PTK2B: variants seen among roughly 807,000 people sequenced by gnomAD.
The protein encoded by PTK2B is protein tyrosine kinase 2 beta.
A neutral mutation model predicts 142.9 loss-of-function variants in PTK2B; 71 were observed. That is an observed-to-expected ratio of 0.50 (90% CI 0.41 to 0.61). PTK2B has a LOEUF of 0.61. Among genes scored for constraint, PTK2B ranks in the 20% least tolerant of loss-of-function variants. PTK2B has a pLI of 0.00. For missense variants in PTK2B, 1,105 were observed against 1,320.4 expected, an observed-to-expected ratio of 0.84 and a Z score of 2.53; for synonymous variants, 519 against 503.4, an observed-to-expected ratio of 1.03 and a Z score of -0.42.
At chr8:27,394,357 A>T (rs1004137545) in intron 1 of PTK2B, among the ~76,000 whole-genome samples, 1 of 152,214 alleles carries the variant, frequency 6.6e-6, no homozygotes, top group Non-Finnish European at 1.5e-5. Context: ...CTACAACCCT[A>T]TACAGCAAGT....
At chr8:27,434,932 G>A (rs1306344079) in intron 13 of PTK2B, among the ~76,000 whole-genome samples, 12 of 152,048 alleles carry the variant, frequency 7.9e-5, no homozygotes, top group Admixed American at 1.3e-4. Flanking sequence ...CCTGGAAGGC[G>A]GAGGTTGCAG....
At chr8:27,375,366 C>T (rs766979114) in intron 1 of PTK2B, among the ~76,000 whole-genome samples, 4 of 152,184 alleles carry the variant, frequency 2.6e-5, no homozygotes, top group Non-Finnish European at 5.9e-5. Flanking sequence ...CTCAGCTTTG[C>T]CCTGAACCAA....
At chr8:27,430,299 T>C in intron 6 of PTK2B, 65 bp from the exon 7 acceptor site, 1 of 1,606,212 alleles carries the variant, frequency 6.2e-7, no homozygotes, top group Non-Finnish European at 8.5e-7. Context: ...TCTTCCTGAT[T>C]GGCCCGCAGT....
At chr8:27,392,307 G>A (rs1402912693) in intron 1 of PTK2B, among the ~76,000 whole-genome samples, 2 of 149,216 alleles carry the variant, frequency 1.3e-5, no homozygotes, top group African/African-American at 4.9e-5. Context: ...TCTACAAAGC[G>A]AGCTTTTTTT....
intron 21 of PTK2B, among the ~76,000 whole-genome samples, chr8:27,442,403 T>C (rs988609178): frequency 1.4e-4 from 21 of 152,150 alleles, no homozygotes; most frequent in African/African-American, 5.1e-4. Flanking sequence ...ATGGCTAGCC[T>C]GGGAGTGAAC....
At chr8:27,435,677 C>T (rs918719830) in intron 13 of PTK2B, 66 bp from the exon 14 acceptor site, 28 of 1,581,830 alleles carry the variant, frequency 1.8e-5, no homozygotes, top group Non-Finnish European at 2.3e-5. Flanking sequence ...GAGCCCCACA[C>T]CTGATTCCTG....
In PTK2B at chr8:27,451,071, C is replaced by T; in HGVS notation, c.2516C>T (p.Ser839Phe). 1.2e-6 allele frequency: 2 copies of T among 1,612,452 alleles called. No individual in the cohort carries two copies. The highest frequency in any genetic ancestry group is 1.7e-6 in the Non-Finnish European group (2 of 1,178,472). The change falls in exon 26 of 31, where the codon TCC becomes TTC. Residue 839 changes from serine to phenylalanine, a missense_variant. By Grantham distance (155) the Ser-to-Phe change is radical (BLOSUM62 -2). Coordinates refer to ENST00000346049, the MANE Select transcript of PTK2B (RefSeq NM_173176.3). ...CCCATGGTTTATATGAATGATAAGT[C>T]CCCATTGGTGAGTTGCCAGGAGAGG... ...LDPMVYMNDK[S>F]PLTPEKEVGY... is the part of the protein sequence containing the mutation.
At chr8:27,438,193 C>G (rs559726460) in intron 18 of PTK2B, among the ~76,000 whole-genome samples, 1 of 152,210 alleles carries the variant, frequency 6.6e-6, no homozygotes, top group Non-Finnish European at 1.5e-5. Context: ...TCAGAGCTTG[C>G]TCACCTCCAG....
chr8:27,431,090 C>T (rs1412524953), intron 8 of PTK2B, 74 bp downstream of exon 8: 8 of 1,552,358 alleles, frequency 5.2e-6, no homozygotes, highest in Non-Finnish European at 6.1e-6. Context: ...CAGGAGGGGG[C>T]AGGGAGAGGC....
chr8:27,457,215 C>T (rs539264467), intron 30 of PTK2B, among the ~76,000 whole-genome samples: 1 of 152,208 alleles, frequency 6.6e-6, no homozygotes, highest in South Asian at 2.1e-4. Flanking sequence ...GGCTGACTCT[C>T]TTGTTAGGGG....
chr8:27,373,700 A>T (rs190578854), intron 1 of PTK2B, among the ~76,000 whole-genome samples: 14 of 152,076 alleles, frequency 9.2e-5, no homozygotes, highest in African/African-American at 3.4e-4. Context: ...ATTTTTTTTA[A>T]AAAAAATTGG....
At chr8:27,450,937 G>A (rs919851623) in intron 25 of PTK2B, 42 bp downstream of exon 25, 2 of 1,613,866 alleles carry the variant, frequency 1.2e-6, no homozygotes, top group Admixed American at 1.7e-5. Context: ...GCACCCATCT[G>A]TGTCCTCTTC....
intron 1 of PTK2B, among the ~76,000 whole-genome samples, chr8:27,338,456 G>A (rs1161566728): frequency 2.6e-5 from 4 of 152,118 alleles, no homozygotes; most frequent in African/African-American, 9.7e-5. Context: ...TGCTCCAGTG[G>A]TGTGAGTCCA....
intron 8 of PTK2B, 42 bp from the exon 9 acceptor site, chr8:27,431,353 GGGA>G: frequency 6.2e-7 from 1 of 1,613,856 alleles, no homozygotes; most frequent in East Asian, 2.2e-5. Context: ...CTGAAGAATG[GGGA>G]GGACAGCTCT....
At chr8:27,457,907 G>A (rs188961392) in intron 30 of PTK2B, among the ~76,000 whole-genome samples, 5 of 151,102 alleles carry the variant, frequency 3.3e-5, no homozygotes, top group East Asian at 3.9e-4. Context: ...CCCAGGAGGC[G>A]GGCATTGCAG....
Position 27,397,656 on chromosome 8 carries a change from G to A in PTK2B, c.72G>A (p.Glu24=), listed in dbSNP as rs138987198. The A allele has an allele frequency of 2.6e-5, 42 of 1,614,170 alleles. No homozygotes were observed. Among genetic ancestry groups the A allele is most frequent in the Non-Finnish European group, 3.3e-5 (39 of 1,180,062 alleles). Residue 24 remains glutamate (E), a synonymous_variant, in exon 2 of 31, where the codon GAG becomes GAA. Coordinates refer to ENST00000346049, the MANE Select transcript of PTK2B (RefSeq NM_173176.3). The part of the protein sequence containing the change: ...GTLRRPEGPA[E]PMVVVPVDVE... ...TACGCCGGCCTGAAGGCCCTGCAGA[G>A]CCCATGGTGGTGGTACCAGTAGATG...
At chr8:27,331,859 A>G (rs1432133216) in intron 1 of PTK2B, among the ~76,000 whole-genome samples, 1 of 152,114 alleles carries the variant, frequency 6.6e-6, no homozygotes, top group Non-Finnish European at 1.5e-5. Context: ...TGGGAACCTC[A>G]AGTGCTTTTC....
intron 2 of PTK2B, among the ~76,000 whole-genome samples, chr8:27,407,472 C>T (rs1808792212): frequency 6.6e-6 from 1 of 152,218 alleles, no homozygotes; most frequent in Non-Finnish European, 1.5e-5. Flanking sequence ...TCCTATGAGG[C>T]TCCTTGACTG....
chr8:27,429,607 TAAGTCCTA>T (rs1403823548), intron 5 of PTK2B, among the ~76,000 whole-genome samples: 3 of 152,226 alleles, frequency 2.0e-5, no homozygotes, highest in Non-Finnish European at 4.4e-5. Flanking sequence ...TTTTCTTCTG[TAAGTCCTA>T]AAGTTTGTAT....
Sources: allele counts gnomAD v4.1 joint callset (sites outside exome capture counted in the v4.1 genomes callset), GRCh38; gene constraint gnomAD v4.1.1; transcripts MANE v1.5; gene names NCBI Gene and HGNC (gene_info 2026-07-23, HGNC 2026-07-21).